SCO2: variants seen among roughly 807,000 people sequenced by gnomAD.
The protein encoded by SCO2 is cytochrome c oxidase assembly factor SCO2.
For synonymous variants in SCO2, 195 were observed against 148.6 expected, an observed-to-expected ratio of 1.31 and a Z score of -2.27; for missense variants, 429 against 348.7, an observed-to-expected ratio of 1.23 and a Z score of -1.83.
intron 1 of SCO2, chr22:50,524,930 C>G (rs1008495124): frequency 2.6e-5 from 9 of 345,052 alleles, no homozygotes; most frequent in Non-Finnish European, 4.6e-5. Flanking sequence ...CAGACTCTGC[C>G]CGCCGGCTGT....
In SCO2 at chr22:50,525,484, CCG is replaced by C. The variant is rs2069306899; in HGVS notation, c.-28_-27del. 4.1e-6 allele frequency: 2 copies of C among 490,588 alleles called. No individual in the cohort carries two copies. Among genetic ancestry groups the C allele is most frequent in the Admixed American group, 7.8e-5 (2 of 25,686 alleles). 30.4% of individuals were successfully genotyped at this position (490,588 alleles called of 1,614,324 possible). ...CCGGCGTCCGCACCTCGCGGCGGGG[CCG>C]CGCGTCAGTGGACCAAGCACGAGAG... On this transcript the variant is annotated 5_prime_UTR_variant, in exon 1 of 2. Coordinates refer to ENST00000395693, the MANE Select transcript of SCO2 (RefSeq NM_005138.3).
intron 1 of SCO2, 67 bp from the exon 2 acceptor site, chr22:50,524,491 C>G (rs779177024): frequency 2.8e-6 from 4 of 1,443,034 alleles, no homozygotes; most frequent in Non-Finnish European, 9.6e-7. Context: ...GCTGCCCCTG[C>G]GACTTGAGAC....
At chr22:50,525,916 T>C, upstream of SCO2, 1 of 1,526,194 alleles carries the variant, frequency 6.6e-7, no homozygotes, top group East Asian at 2.5e-5. Context: ...AGCCAGGGGG[T>C]CCCTGCAGAG....
In SCO2 at chr22:50,525,597, T is replaced by A. The variant is rs569878911; in HGVS notation, c.-139A>T. 29 of 987,402 alleles carry A rather than the reference T, an allele frequency of 2.9e-5. No individual in the cohort carries two copies. Among genetic ancestry groups the A allele is most frequent in the African/African-American group, 2.6e-4 (15 of 58,536 alleles). The allele number at this position is 987,402 out of a possible 1,614,324, so 61.2% of individuals were successfully genotyped here. A position where few individuals can be genotyped will look rare whatever the true frequency, so the allele number is the denominator to read the frequency against. On this transcript the variant is annotated 5_prime_UTR_variant, in exon 1 of 2. Transcript: ENST00000395693. Reference sequence around the variant, plus strand: ...CACGCTCACAGGCAGGGCGCAGGCGTCCCCGGAGCTGCGCATGCGCACACG... The same window carrying A: ...CACGCTCACAGGCAGGGCGCAGGCGACCCCGGAGCTGCGCATGCGCACACG...
At chr22:50,526,065 C>T (rs1319340957), upstream of SCO2, 2 of 1,484,294 alleles carry the variant, frequency 1.3e-6, no homozygotes, top group Admixed American at 2.3e-5. Context: ...GGAGCGGCTC[C>T]CCAGCGCGGC....
rs1388884805 is a variant in SCO2 at position 50,524,260 on chromosome 22, T to G, written c.152A>C (p.Gln51Pro). The change falls in exon 2 of 2, where the codon CAG (glutamine) becomes CCG (proline). Residue 51 changes from glutamine (Q) to proline (P), a missense_variant. Gln to Pro is a moderately conservative substitution (Grantham distance 76). Coordinates refer to ENST00000395693, the MANE Select transcript of SCO2 (RefSeq NM_005138.3). ...QGPAETGGQG[Q>P]PQGPGLRTRL... Reference sequence around the variant, plus strand: ...GGTTCGAAGCCCAGGGCCCTGGGGCTGGCCCTGCCCACCTGTCTCTGCAGG... The same window carrying G: ...GGTTCGAAGCCCAGGGCCCTGGGGCGGGCCCTGCCCACCTGTCTCTGCAGG... The G allele has an allele frequency of 3.7e-6, 6 of 1,604,770 alleles. No individual in the cohort carries two copies. Among genetic ancestry groups the G allele is most frequent in the Non-Finnish European group, 5.1e-6 (6 of 1,179,780 alleles).
chr22:50,526,006 CGCA>C, upstream of SCO2: 1 of 1,447,508 alleles, frequency 6.9e-7, no homozygotes, highest in East Asian at 3.0e-5. Flanking sequence ...CTCACCACGG[CGCA>C]GCCTCTGACC....
chr22:50,525,935 T>C, upstream of SCO2: 3 of 1,440,126 alleles, frequency 2.1e-6, no homozygotes, highest in Non-Finnish European at 2.7e-6. Context: ...AGCGAGGGGC[T>C]GTTAGAGGCC....
upstream of SCO2, chr22:50,525,758 G>C (rs750950409): frequency 8.1e-6 from 13 of 1,609,844 alleles, no homozygotes; most frequent in African/African-American, 2.7e-5. Context: ...AAGGTTTCGC[G>C]GCAAAGGAGC....
chr22:50,525,028 C>T (rs1043111207), intron 1 of SCO2, among the ~76,000 whole-genome samples: 3 of 152,366 alleles, frequency 2.0e-5, no homozygotes, highest in Non-Finnish European at 2.9e-5. Flanking sequence ...AGCAGCTCCT[C>T]CGGGCTCACA....
chr22:50,525,865 TC>T, upstream of SCO2: 1 of 1,597,368 alleles, frequency 6.3e-7, no homozygotes, highest in South Asian at 1.1e-5. Flanking sequence ...AGGGCGCGGC[TC>T]TGCGGGCCGC....
In SCO2 at chr22:50,525,533, C is replaced by T. The variant is rs2069309706; in HGVS notation, c.-75G>A. On this transcript the variant is annotated 5_prime_UTR_variant, in exon 1 of 2. Transcript: ENST00000395693. ...AGAGGAAGCGCCGACCTCCAGCTCC[C>T]TGCGCTCTGCCCCGCCGGCTCAGGG... 1 of 618,966 alleles carries T rather than the reference C, an allele frequency of 1.6e-6. No individual in the cohort carries two copies. Among genetic ancestry groups the T allele is most frequent in the South Asian group, 2.0e-5 (1 of 50,326 alleles). 38.3% of individuals were successfully genotyped at this position (618,966 alleles called of 1,614,324 possible). A position where few individuals can be genotyped will look rare whatever the true frequency, so the allele number is the denominator to read the frequency against.
At position 50,523,655 on chromosome 22, in the gene SCO2, T is replaced by TGTCTGAG; in HGVS notation, c.750_756dup (p.Ser253LeufsTer?). On this transcript the variant is annotated frameshift_variant, in exon 2 of 2. Coordinates refer to ENST00000395693, the MANE Select transcript of SCO2 (RefSeq NM_005138.3). LOFTEE classifies it high-confidence loss of function. Reference sequence around the variant, plus strand: ...AAAGCCGCCATGTGCCGCCGCACACTGTCTGAGATCTGCTCAGCCGATCTG... The same window carrying TGTCTGAG: ...AAAGCCGCCATGTGCCGCCGCACACTGTCTGAGGTCTGAGATCTGCTCAGCCGATCTG... The TGTCTGAG allele has an allele frequency of 1.8e-5, 29 of 1,613,896 alleles. No homozygotes were observed. The highest frequency in any genetic ancestry group is 2.5e-5 in the Non-Finnish European group (29 of 1,179,930).
In SCO2 at chr22:50,525,507, G is replaced by A. The variant is rs940262142; in HGVS notation, c.-49C>T. 1.5e-5 allele frequency: 8 copies of A among 550,826 alleles called. No individual in the cohort carries two copies. Among genetic ancestry groups the A allele is most frequent in the Middle Eastern group, 4.9e-4 (1 of 2,060 alleles). 34.1% of individuals were successfully genotyped at this position (550,826 alleles called of 1,614,324 possible). A position where few individuals can be genotyped will look rare whatever the true frequency, so the allele number is the denominator to read the frequency against. ...GGCCGCGCGTCAGTGGACCAAGCAC[G>A]AGAGGAAGCGCCGACCTCCAGCTCC... On this transcript the variant is annotated 5_prime_UTR_variant, in exon 1 of 2. Transcript: ENST00000395693.
chr22:50,524,540 T>G, intron 1 of SCO2, 116 bp from the exon 2 acceptor site: 1 of 927,002 alleles, frequency 1.1e-6, no homozygotes, highest in East Asian at 2.6e-5. Context: ...CGTTCAGGCT[T>G]AACAGGCATT....
rs1372755426 is a variant in SCO2, at chr22:50,524,145, C to T, written c.267G>A (p.Lys89=). ...CTGCCTGGCGCAGGGCTTCTGTTCG[C>T]TTTTGCTGCTGCAGCCTCTCCTTCT... ...RAEKERLQQQ[K]RTEALRQAAV... The change falls in exon 2 of 2, where the codon AAG becomes AAA. Residue 89 remains lysine (K), a synonymous_variant. Transcript: ENST00000395693. The T allele has an allele frequency of 2.5e-6, 4 of 1,611,716 alleles. No individual in the cohort carries two copies. The highest frequency in any genetic ancestry group is 2.7e-5 in the African/African-American group (2 of 74,948).
chr22:50,524,635 C>T (rs542718693), intron 1 of SCO2: 28 of 705,594 alleles, frequency 4.0e-5, no homozygotes, highest in South Asian at 3.6e-4. Context: ...TGTCCTCTAC[C>T]TGGGATCACC....
rs8139305 is a variant in SCO2, at chr22:50,523,636, G to C, written c.776C>G (p.Ala259Gly). Residue 259 changes from alanine (A) to glycine (G), a missense_variant, in exon 2 of 2, where the codon GCG becomes GGG. By Grantham distance (60) the Ala-to-Gly change is moderately conservative (BLOSUM62 0). Coordinates refer to ENST00000395693, the MANE Select transcript of SCO2 (RefSeq NM_005138.3). ...QISDSVRRHMAAFRSVLS is the reference protein window; with the variant it reads ...QISDSVRRHMGAFRSVLS ...TCAAGACAGGACACTGCGGAAAGCC[G>C]CCATGTGCCGCCGCACACTGTCTGA... 2 of 1,613,760 alleles carry C rather than the reference G, an allele frequency of 1.2e-6. No homozygotes were observed. The highest frequency in any genetic ancestry group is 8.5e-7 in the Non-Finnish European group (1 of 1,180,044).
chr22:50,524,243 GC>G lies in SCO2; in HGVS notation c.168del (p.Leu57PhefsTer6). 1 of 1,606,396 alleles carries G rather than the reference GC, an allele frequency of 6.2e-7. No individual in the cohort carries two copies. ...TGGQGQPQGP[G>X]LRTRLLITGL... ...CCTGTGATCAGCAGCCGGGTTCGAA[GC>G]CCAGGGCCCTGGGGCTGGCCCTGCC... On this transcript the variant is annotated frameshift_variant, in exon 2 of 2. Transcript: ENST00000395693. LOFTEE classifies it low-confidence loss of function (END_TRUNC).
Sources: allele counts gnomAD v4.1 joint callset (sites outside exome capture counted in the v4.1 genomes callset), GRCh38; gene constraint gnomAD v4.1.1; transcripts MANE v1.5; gene names NCBI Gene and HGNC (gene_info 2026-07-23, HGNC 2026-07-21).